DGKB: variants seen among roughly 807,000 people sequenced by gnomAD.
DGKB encodes the protein diacylglycerol kinase beta.
Under a neutral mutation model 114.3 loss-of-function variants are expected in DGKB, and 67 were observed. That is an observed-to-expected ratio of 0.59 (90% CI 0.48 to 0.72). The LOEUF (loss-of-function observed/expected upper bound fraction) is 0.72, where lower values mean the gene tolerates loss of function less well. Ranked by LOEUF, DGKB falls within the 30% of genes least tolerant of loss-of-function variation. DGKB has a pLI of 0.00. For synonymous variants in DGKB, 398 were observed against 323.1 expected (o/e 1.23, Z -2.49); for missense variants, 907 against 975.2 (o/e 0.93, Z 0.93).
intron 20 of DGKB, among the ~76,000 whole-genome samples, chr7:14,516,450 T>G (rs1316790599): frequency 6.6e-6 from 1 of 152,190 alleles, no homozygotes; most frequent in Non-Finnish European, 1.5e-5. Flanking sequence ...AAGTTGAAGA[T>G]CTGATCTGGA....
chr7:14,463,937 A>C lies in DGKB; in HGVS notation c.1835+14224T>G, dbSNP rs530896709. ...GACACACAACTTACACGTTAGGTTT[A>C]CAACTGTTTATTAGGCTATAATAAC... On this transcript the variant is annotated intron_variant, in intron 21 of 25. Transcript: ENST00000402815. Among the ~76,000 whole-genome samples the C allele has an allele frequency of 1.9e-4, 29 of 152,278 alleles. No homozygotes were observed. The South Asian group carries it at 6.0e-3, about 32-fold the overall frequency.
chr7:14,747,717 G>A (rs957588114), intron 4 of DGKB, among the ~76,000 whole-genome samples: 1 of 151,432 alleles, frequency 6.6e-6, no homozygotes, highest in African/African-American at 2.4e-5. Flanking sequence ...AATTGGGTCA[G>A]ACTTAACTGA....
At chr7:14,391,616 T>G (rs927911457) in intron 21 of DGKB, among the ~76,000 whole-genome samples, 1 of 152,134 alleles carries the variant, frequency 6.6e-6, no homozygotes, top group Admixed American at 6.5e-5. Flanking sequence ...AGAGGATCAC[T>G]TGAGCCTGGC....
chr7:14,938,540 G>A (rs564870809), intron 1 of DGKB, among the ~76,000 whole-genome samples: 1 of 152,030 alleles, frequency 6.6e-6, no homozygotes, highest in Non-Finnish European at 1.5e-5. Flanking sequence ...ATTTGTCTGG[G>A]ACCACATTTT....
At chr7:14,283,098 A>T (rs368425114) in intron 23 of DGKB, among the ~76,000 whole-genome samples, 1 of 151,682 alleles carries the variant, frequency 6.6e-6, no homozygotes, top group South Asian at 2.1e-4. Flanking sequence ...TGACATGATT[A>T]TATATCTAGA....
chr7:14,550,216 A>G lies in DGKB; in HGVS notation c.1770+23996T>C, dbSNP rs1794913213. 1.3e-5 allele frequency among the ~76,000 whole-genome samples: 2 copies of G among 152,150 alleles called. 1 individual carries two copies. The highest frequency in any genetic ancestry group is 4.8e-5 in the African/African-American group (2 of 41,440). ...CAATTTGCTGCTTAACATACAACTT[A>G]TTTATCATTCATTAGAGATTAGGTT... is the stretch of plus-strand genomic sequence containing the variant. On this transcript the variant is annotated intron_variant, in intron 20 of 25. Transcript: ENST00000402815.
rs1366096893 is a variant in DGKB at position 14,967,908 on chromosome 7, A to G, written c.-188+6788T>C. On this transcript the variant is annotated intron_variant, in intron 1 of 4. Transcript: ENST00000437998. ...GAGATTGAGAGAGAGAGGGAAAGCA[A>G]CCTAAAGTTAGTGCAAAGCAATAAC... 3.3e-5 allele frequency among the ~76,000 whole-genome samples: 5 copies of G among 152,122 alleles called. No homozygotes were observed. The South Asian group carries it at 8.3e-4, about 25-fold the overall frequency.
chr7:14,333,014 C>A (rs187274133), intron 23 of DGKB, among the ~76,000 whole-genome samples: 47 of 152,234 alleles, frequency 3.1e-4, no homozygotes, highest in Admixed American at 7.2e-4. Flanking sequence ...TAATTACTTT[C>A]GCTCAGTGGT....
At chr7:14,278,969 C>A (rs548299056) in intron 23 of DGKB, among the ~76,000 whole-genome samples, 1 of 152,150 alleles carries the variant, frequency 6.6e-6, no homozygotes, top group Non-Finnish European at 1.5e-5. Context: ...ATCTGAGATA[C>A]GGGGTTCATC....
chr7:14,276,856 C>CATCT (rs1799083252), intron 23 of DGKB, among the ~76,000 whole-genome samples: 1 of 151,706 alleles, frequency 6.6e-6, no homozygotes, highest in Non-Finnish European at 1.5e-5. Context: ...TATAATTTTA[C>CATCT]ATCTTTTAAT....
chr7:14,784,204 G>A (rs1280768803), intron 2 of DGKB, among the ~76,000 whole-genome samples: 1 of 150,190 alleles, frequency 6.7e-6, no homozygotes, highest in African/African-American at 2.5e-5. Flanking sequence ...GCTCTTTTTT[G>A]TTCTTTTACT....
intron 23 of DGKB, among the ~76,000 whole-genome samples, chr7:14,332,254 T>C (rs1035169250): frequency 6.6e-6 from 1 of 152,170 alleles, no homozygotes; most frequent in Admixed American, 6.5e-5. Context: ...TTGTGCCCAT[T>C]TTAGAGATAA....
intron 23 of DGKB, among the ~76,000 whole-genome samples, chr7:14,201,512 T>C (rs1310907617): frequency 6.6e-6 from 1 of 151,940 alleles, no homozygotes; most frequent in African/African-American, 2.4e-5. Context: ...GAGGTAGAAC[T>C]GACAGCATTA....
intron 21 of DGKB, among the ~76,000 whole-genome samples, chr7:14,366,945 T>A (rs1816775594): frequency 6.6e-6 from 1 of 152,088 alleles, no homozygotes; most frequent in Non-Finnish European, 1.5e-5. Flanking sequence ...AGGACAATGG[T>A]CTCCAATTTA....
chr7:14,200,272 G>C (rs1451563352), intron 23 of DGKB, among the ~76,000 whole-genome samples: 2 of 152,158 alleles, frequency 1.3e-5, no homozygotes, highest in East Asian at 1.9e-4. Context: ...AGCAATGAGA[G>C]AATCAAAAAA....
chr7:14,517,703 A>T (rs539677176), intron 20 of DGKB, among the ~76,000 whole-genome samples: 23 of 152,254 alleles, frequency 1.5e-4, no homozygotes, highest in Admixed American at 1.4e-3. Context: ...ACAAGCATAT[A>T]AAAAAGGCCC....
At chr7:14,923,930 G>A (rs1030161428) in intron 1 of DGKB, among the ~76,000 whole-genome samples, 1 of 141,346 alleles carries the variant, frequency 7.1e-6, no homozygotes, top group African/African-American at 2.8e-5. Context: ...GGGAGGCGGA[G>A]GTTGCAGTGA....
chr7:14,755,788 T>A (rs2128443548), intron 3 of DGKB, among the ~76,000 whole-genome samples: 1 of 152,228 alleles, frequency 6.6e-6, no homozygotes, highest in African/African-American at 2.4e-5. Flanking sequence ...GCCTTAAAAT[T>A]TTCTTCCGAA....
intron 23 of DGKB, among the ~76,000 whole-genome samples, chr7:14,307,955 A>G (rs1386184291): frequency 2.0e-5 from 3 of 147,464 alleles, no homozygotes; most frequent in African/African-American, 5.3e-5. Context: ...TCAAGAACAA[A>G]TATCAGTAAG....
Sources: gnomAD v4.1 joint callset for allele counts (sites outside exome capture counted in the v4.1 genomes callset) on GRCh38, gnomAD v4.1.1 for gene constraint, MANE v1.5 for transcripts, NCBI Gene and HGNC (gene_info 2026-07-23, HGNC 2026-07-21) for gene names.